The following IQCM variants were observed in gnomAD, a reference collection of about 807,000 sequenced individuals.
The protein encoded by IQCM is IQ motif containing M, also known as IQ domain-containing protein M.
A neutral mutation model predicts 57.6 loss-of-function variants in IQCM; 45 were observed. The ratio of observed to expected loss-of-function variants is 0.78; its 90% CI spans 0.62 to 1.00. The LOEUF (loss-of-function observed/expected upper bound fraction) is 1.00. Among genes scored for constraint, IQCM ranks in the 50% least tolerant of loss-of-function variants. The probability of loss-of-function intolerance (pLI) is 0.00; values close to 1 mark genes in which losing one functional copy is unlikely to be tolerated. For synonymous variants in IQCM, 148 were observed against 158.9 expected (o/e 0.93, Z 0.51); for missense variants, 468 against 511.6 (o/e 0.91, Z 0.82).
intron 3 of IQCM, chr4:149,737,582 C>G (rs759347521): frequency 6.6e-6 from 1 of 152,120 alleles, no homozygotes; most frequent in Non-Finnish European, 1.5e-5. Flanking sequence ...CTTTTCACCA[C>G]GTAGACTCAC....
intron 2 of IQCM, among the ~76,000 whole-genome samples, chr4:149,815,044 A>G (rs1774923212): frequency 6.6e-6 from 1 of 152,040 alleles, no homozygotes; most frequent in Non-Finnish European, 1.5e-5. Context: ...TCTTTGTAAG[A>G]GGCTTCTCAA....
At chr4:149,681,676 G>T (rs1762188105) in intron 7 of IQCM, among the ~76,000 whole-genome samples, 1 of 151,080 alleles carries the variant, frequency 6.6e-6, no homozygotes, top group South Asian at 2.1e-4. Context: ...AAGTTAAAAA[G>T]CGGGAAAACT....
At chr4:149,651,816 G>A (rs1317296923) in intron 7 of IQCM, among the ~76,000 whole-genome samples, 3 of 152,182 alleles carry the variant, frequency 2.0e-5, no homozygotes, top group African/African-American at 7.2e-5. Context: ...TGCTGGTGAG[G>A]ATGTGAAGAA....
At chr4:149,760,077 A>G (rs1416808985) in intron 2 of IQCM, among the ~76,000 whole-genome samples, 1 of 152,036 alleles carries the variant, frequency 6.6e-6, no homozygotes, top group African/African-American at 2.4e-5. Context: ...AAAAATGGCA[A>G]GGCTGAAGAT....
chr4:149,682,864 C>T (rs947437022), intron 6 of IQCM, among the ~76,000 whole-genome samples: 1 of 150,996 alleles, frequency 6.6e-6, no homozygotes, highest in Non-Finnish European at 1.5e-5. Flanking sequence ...TCAGATTATT[C>T]CAGCTAGAAA....
intron 2 of IQCM, among the ~76,000 whole-genome samples, chr4:149,763,966 C>T (rs145144276): frequency 9.9e-5 from 15 of 151,186 alleles, no homozygotes; most frequent in African/African-American, 2.4e-4. Flanking sequence ...AGAAAAGATG[C>T]ATTTAAAAAA....
intron 13 of IQCM, among the ~76,000 whole-genome samples, chr4:149,373,219 T>G (rs1314456558): frequency 6.6e-6 from 1 of 152,142 alleles, no homozygotes; most frequent in Admixed American, 6.6e-5. Flanking sequence ...ACATGACACC[T>G]ACAATTGTAA....
intron 12 of IQCM, 123 bp downstream of exon 12, chr4:149,548,332 A>T (rs1579447502): frequency 1.3e-6 from 1 of 764,198 alleles, no homozygotes; most frequent in South Asian, 7.1e-5. Flanking sequence ...TTACACAAAA[A>T]GTTTAGTAAA....
intron 7 of IQCM, among the ~76,000 whole-genome samples, chr4:149,677,824 CAA>C (rs1182148883): frequency 2.6e-5 from 4 of 151,724 alleles, no homozygotes; most frequent in African/African-American, 7.3e-5. Context: ...AGAAATTTAA[CAA>C]AGAGATTGAA....
intron 7 of IQCM, among the ~76,000 whole-genome samples, chr4:149,662,836 G>T (rs1419033051): frequency 6.6e-6 from 1 of 151,870 alleles, no homozygotes; most frequent in Non-Finnish European, 1.5e-5. Context: ...ATACAGTTGG[G>T]TCTTGTTTTT....
intron 5 of IQCM, among the ~76,000 whole-genome samples, chr4:149,731,229 A>G (rs546213226): frequency 3.3e-5 from 5 of 152,264 alleles, no homozygotes; most frequent in African/African-American, 1.2e-4. Flanking sequence ...TGAGGGCTTC[A>G]CCCTCATAAA....
intron 5 of IQCM, among the ~76,000 whole-genome samples, chr4:149,704,310 T>A (rs1763992717): frequency 6.6e-6 from 1 of 151,814 alleles, no homozygotes; most frequent in African/African-American, 2.4e-5. Flanking sequence ...ACTCCCCATA[T>A]GATACCAATG....
At chr4:149,614,404 C>A (rs1296132408) in intron 8 of IQCM, among the ~76,000 whole-genome samples, 1 of 152,140 alleles carries the variant, frequency 6.6e-6, no homozygotes, top group Non-Finnish European at 1.5e-5. Flanking sequence ...TCTTCAGCTT[C>A]ATTTCTTGCC....
chr4:149,563,779 G>A lies in IQCM; in HGVS notation c.861C>T (p.Thr287=), dbSNP rs1750356223. The A allele has an allele frequency of 8.1e-7, 1 of 1,231,566 alleles. No individual in the cohort carries two copies. Among genetic ancestry groups the A allele is most frequent in the African/African-American group, 1.6e-5 (1 of 64,264 alleles). 76.3% of individuals were successfully genotyped at this position (1,231,566 alleles called of 1,614,324 possible). The change falls in exon 10 of 14, where the codon ACC becomes ACT. Residue 287 remains threonine, a synonymous_variant. Transcript: ENST00000636793. ...CGGTGACCATTCTAATCAATTTTGG[G>A]GTAATCATGAATTTTTTTCTTTCTC... The part of the protein sequence containing the change: ...VFRERKKFMI[T]PKLIRMVTVM...
chr4:149,742,720 T>TA lies in IQCM; in HGVS notation c.-30dup. The TA allele has an allele frequency of 8.1e-7, 1 of 1,228,716 alleles. No individual in the cohort carries two copies. Among genetic ancestry groups the TA allele is most frequent in the Non-Finnish European group, 1.0e-6 (1 of 984,928 alleles). The allele number at this position is 1,228,716 out of a possible 1,614,324, so 76.1% of individuals were successfully genotyped here. A position where few individuals can be genotyped will look rare whatever the true frequency, so the allele number is the denominator to read the frequency against. ...GGGCAGTTAGAATGATCTTCTTTTTTAAAGTGTGAGCTCCAAGTCCTTAAA... is the reference window on the plus strand; with the variant it reads ...GGGCAGTTAGAATGATCTTCTTTTTTAAAAGTGTGAGCTCCAAGTCCTTAAA... On this transcript the variant is annotated 5_prime_UTR_variant, in exon 3 of 14. An upstream open reading frame in the 5' UTR loses its in-frame stop. Coordinates refer to ENST00000636793, the MANE Select transcript of IQCM (RefSeq NM_001363507.2).
intron 8 of IQCM, among the ~76,000 whole-genome samples, chr4:149,605,130 C>T (rs1754660295): frequency 6.6e-6 from 1 of 152,112 alleles, no homozygotes; most frequent in Admixed American, 6.5e-5. Flanking sequence ...ATAAGGATAT[C>T]TCAGAGCAAA....
chr4:149,811,489 A>T (rs1344126710), intron 2 of IQCM, among the ~76,000 whole-genome samples: 1 of 152,236 alleles, frequency 6.6e-6, no homozygotes, highest in Non-Finnish European at 1.5e-5. Context: ...ATTTCAGCAC[A>T]GTACCCAACA....
At position 149,455,845 on chromosome 4, in the gene IQCM, T is replaced by G. The variant is rs545757407; in HGVS notation, c.1229-22288A>C. Among the ~76,000 whole-genome samples, 74 of 151,598 alleles carry G rather than the reference T, an allele frequency of 4.9e-4. 1 individual carries two copies. In the South Asian group the frequency reaches 0.015, roughly 31 times the overall value. On this transcript the variant is annotated intron_variant, in intron 12 of 13. Transcript: ENST00000636793. ...TTTTAATTAGCCAGGTGTGGTAGCA[T>G]GCACTTGCTGTCCTAGCTACTAGGG...
intron 8 of IQCM, among the ~76,000 whole-genome samples, chr4:149,620,710 A>T (rs995246904): frequency 6.6e-6 from 1 of 152,172 alleles, no homozygotes; most frequent in Non-Finnish European, 1.5e-5. Context: ...AACCATCAAC[A>T]TGTGGTCATA....
Sources: gnomAD v4.1 joint callset for allele counts (sites outside exome capture counted in the v4.1 genomes callset) on GRCh38, gnomAD v4.1.1 for gene constraint, MANE v1.5 for transcripts, NCBI Gene and HGNC (gene_info 2026-07-23, HGNC 2026-07-21) for gene names.